Variants in RAB3C observed in about 807,000 individuals in gnomAD.
RAB3C encodes the protein ras-related protein Rab-3C.
RAB3C carries 17 observed loss-of-function variants against 26.4 expected under a neutral mutation model. The observed-to-expected ratio is 0.64, with a 90% CI of 0.44 to 0.97. RAB3C has a LOEUF of 0.97. Ranked by LOEUF, RAB3C falls within the 50% of genes least tolerant of loss-of-function variation. RAB3C has a pLI of 0.00. For synonymous variants in RAB3C, 91 were observed against 95.9 expected (o/e 0.95, Z 0.30); for missense variants, 242 against 281.9 (o/e 0.86, Z 1.01).
At chr5:58,808,224 CAAAAAA>C (rs773339041) in intron 3 of RAB3C, among the ~76,000 whole-genome samples, 1 of 63,628 alleles carries the variant, frequency 1.6e-5, no homozygotes, top group African/African-American at 5.2e-5. Flanking sequence ...GACTCCGTCT[CAAAAAA>C]AAAAAAAAAA....
chr5:58,650,494 GTAA>G (rs1166237408), intron 2 of RAB3C, among the ~76,000 whole-genome samples: 1 of 152,198 alleles, frequency 6.6e-6, no homozygotes. Context: ...GAATTTGCAA[GTAA>G]TACGGTTTAA....
intron 2 of RAB3C, among the ~76,000 whole-genome samples, chr5:58,700,515 A>G (rs891205960): frequency 1.3e-5 from 2 of 152,204 alleles, no homozygotes; most frequent in African/African-American, 4.8e-5. Context: ...TATGGATCTA[A>G]TGGATAAGCT....
rs114476297 is a variant in RAB3C at position 58,765,543 on chromosome 5, T to C, written c.371+39423T>C. Among the ~76,000 whole-genome samples the C allele has an allele frequency of 9.7e-3, 1,470 of 152,276 alleles. 23 individuals carry two copies. Among genetic ancestry groups the C allele is most frequent in the African/African-American group, 0.033 (1,357 of 41,516 alleles). ...TTTGCTGTGCAACCTTCCACTCCTC[T>C]TTTTATAAGTAAATATATAATCACA... is the stretch of plus-strand genomic sequence containing the variant. On this transcript the variant is annotated intron_variant, in intron 3 of 4. Transcript: ENST00000282878.
At chr5:58,747,997 G>A (rs1741435695) in intron 3 of RAB3C, among the ~76,000 whole-genome samples, 1 of 152,064 alleles carries the variant, frequency 6.6e-6, no homozygotes, top group Non-Finnish European at 1.5e-5. Context: ...TGCTGCAGGT[G>A]GCCATGAAGA....
chr5:58,771,173 AAGCTAC>A (rs1742023641), intron 3 of RAB3C, among the ~76,000 whole-genome samples: 1 of 152,180 alleles, frequency 6.6e-6, no homozygotes, highest in Non-Finnish European at 1.5e-5. Flanking sequence ...AACCATGAGT[AAGCTAC>A]CTAAAATTTT....
intron 3 of RAB3C, among the ~76,000 whole-genome samples, chr5:58,750,505 T>C (rs1741499508): frequency 6.6e-6 from 1 of 152,220 alleles, no homozygotes; most frequent in Admixed American, 6.5e-5. Flanking sequence ...AAGAGTTGCA[T>C]TCAGCCACTG....
At chr5:58,820,646 A>G (rs938694177) in intron 3 of RAB3C, among the ~76,000 whole-genome samples, 1 of 152,216 alleles carries the variant, frequency 6.6e-6, no homozygotes, top group African/African-American at 2.4e-5. Flanking sequence ...TAAGATTTCA[A>G]AATAACGATT....
intron 1 of RAB3C, among the ~76,000 whole-genome samples, chr5:58,608,662 A>G (rs1297394806): frequency 6.6e-6 from 1 of 152,182 alleles, no homozygotes; most frequent in African/African-American, 2.4e-5. Context: ...TAGAAATACC[A>G]TTTGACTCAG....
intron 2 of RAB3C, among the ~76,000 whole-genome samples, chr5:58,669,782 G>A (rs1748075402): frequency 6.6e-6 from 1 of 152,174 alleles, no homozygotes; most frequent in Admixed American, 6.5e-5. Context: ...TACTAGCACT[G>A]AGTCTGTTAG....
intron 1 of RAB3C, among the ~76,000 whole-genome samples, chr5:58,596,522 ATAT>A (rs956225464): frequency 2.1e-4 from 27 of 130,998 alleles, no homozygotes; most frequent in Non-Finnish European, 3.7e-4. Flanking sequence ...TATATAATAC[ATAT>A]TATATATAAA....
At chr5:58,710,202 A>G (rs1319905940) in intron 2 of RAB3C, among the ~76,000 whole-genome samples, 1 of 152,206 alleles carries the variant, frequency 6.6e-6, no homozygotes, top group Non-Finnish European at 1.5e-5. Context: ...GAATTATTTA[A>G]GATGAAATAT....
At chr5:58,820,036 G>A (rs1743305376) in intron 3 of RAB3C, among the ~76,000 whole-genome samples, 1 of 152,094 alleles carries the variant, frequency 6.6e-6, no homozygotes, top group African/African-American at 2.4e-5. Context: ...AAGTTATTGT[G>A]TATGCAGAAA....
chr5:58,757,931 G>GTTGTT (rs111469253), intron 3 of RAB3C, among the ~76,000 whole-genome samples: 46,854 of 151,112 alleles, frequency 0.31, 7,465 homozygotes, highest in South Asian at 0.41. Flanking sequence ...TGTTGTTGTT[G>GTTGTT]TTGTTTTGTT....
chr5:58,623,989 A>G (rs1209911482), intron 2 of RAB3C, among the ~76,000 whole-genome samples: 1 of 152,214 alleles, frequency 6.6e-6, no homozygotes, highest in Non-Finnish European at 1.5e-5. Flanking sequence ...TTGCTATGGT[A>G]AATTATACTT....
At chr5:58,733,268 G>A (rs1487086507) in intron 3 of RAB3C, among the ~76,000 whole-genome samples, 1 of 152,128 alleles carries the variant, frequency 6.6e-6, no homozygotes, top group African/African-American at 2.4e-5. Flanking sequence ...TTCATGGAAT[G>A]AGTGAGTAAA....
upstream of RAB3C, chr5:58,582,508 G>T (rs1745920387): frequency 1.4e-5 from 9 of 657,096 alleles, no homozygotes; most frequent in Non-Finnish European, 1.7e-5. Flanking sequence ...CTATGTACGC[G>T]CGCGCGACTT....
intron 1 of RAB3C, among the ~76,000 whole-genome samples, chr5:58,597,570 G>A (rs1222033213): frequency 4.9e-5 from 6 of 122,032 alleles, no homozygotes; most frequent in African/African-American, 1.8e-4. Flanking sequence ...TTATATATAA[G>A]CATATAACAA....
intron 3 of RAB3C, among the ~76,000 whole-genome samples, chr5:58,749,434 GAC>G (rs990487814): frequency 6.6e-6 from 1 of 152,086 alleles, no homozygotes; most frequent in Admixed American, 6.5e-5. Context: ...AAAAGAAAAA[GAC>G]ATATAAAGGA....
chr5:58,698,213 G>T (rs1036354287), intron 2 of RAB3C, among the ~76,000 whole-genome samples: 1 of 152,136 alleles, frequency 6.6e-6, no homozygotes, highest in Non-Finnish European at 1.5e-5. Flanking sequence ...TGAAATTCTG[G>T]GTTGAAAATT....
Sources: gnomAD v4.1 joint callset for allele counts (sites outside exome capture counted in the v4.1 genomes callset) on GRCh38, gnomAD v4.1.1 for gene constraint, MANE v1.5 for transcripts, NCBI Gene and HGNC (gene_info 2026-07-23, HGNC 2026-07-21) for gene names.